The following PTPRT variants were observed in gnomAD, a reference collection of about 807,000 sequenced individuals.
PTPRT encodes receptor-type tyrosine-protein phosphatase T.
In PTPRT, 56 loss-of-function variants were observed where a neutral mutation model predicts 176.8. The observed-to-expected ratio is 0.32, with a 90% CI of 0.26 to 0.40. PTPRT has a LOEUF of 0.40. PTPRT is among the 10% of genes least tolerant of loss of function. PTPRT has a pLI of 1.00. For missense variants in PTPRT, 1,540 were observed against 1,908.2 expected (o/e 0.81, Z 3.60); for synonymous variants, 783 against 739.0 (o/e 1.06, Z -0.96).
chr20:42,488,446 G>A (rs543716396), intron 7 of PTPRT, among the ~76,000 whole-genome samples: 13 of 152,202 alleles, frequency 8.5e-5, no homozygotes, highest in East Asian at 5.8e-4. Flanking sequence ...TGGGCACTAC[G>A]TATTTTTTAC....
chr20:42,439,277 A>G (rs774672461), intron 9 of PTPRT, among the ~76,000 whole-genome samples: 4 of 152,102 alleles, frequency 2.6e-5, no homozygotes, highest in Non-Finnish European at 5.9e-5. Context: ...GTCTTTTTTA[A>G]TCTCACAAAA....
At chr20:42,243,077 A>AAG (rs1232815547) in intron 14 of PTPRT, among the ~76,000 whole-genome samples, 1 of 150,672 alleles carries the variant, frequency 6.6e-6, no homozygotes, top group Non-Finnish European at 1.5e-5. Flanking sequence ...GAGGGGGAGA[A>AAG]AGAGAGAGAG....
intron 2 of PTPRT, among the ~76,000 whole-genome samples, chr20:42,801,553 T>C (rs1221067144): frequency 1.3e-5 from 2 of 152,208 alleles, no homozygotes; most frequent in Admixed American, 6.5e-5. Flanking sequence ...CTACTATGTG[T>C]CTGACACTAG....
intron 7 of PTPRT, among the ~76,000 whole-genome samples, chr20:42,594,422 T>G (rs1883842): frequency 0.2 from 30,306 of 152,160 alleles, 3,395 homozygotes; most frequent in Non-Finnish European, 0.26. Context: ...CACTTTGTAA[T>G]GTTCGTTCTC....
chr20:42,500,347 G>A (rs2071730536), intron 7 of PTPRT, among the ~76,000 whole-genome samples: 1 of 151,704 alleles, frequency 6.6e-6, no homozygotes, highest in Non-Finnish European at 1.5e-5. Flanking sequence ...CAAGGTAAAT[G>A]CTATTTTAAT....
intron 9 of PTPRT, among the ~76,000 whole-genome samples, chr20:42,398,324 G>A (rs1328209752): frequency 6.6e-6 from 1 of 152,126 alleles, no homozygotes; most frequent in Admixed American, 6.6e-5. Flanking sequence ...TCAAGCAGCA[G>A]TAGCCATAAT....
At position 42,086,753 on chromosome 20, in the gene PTPRT, A is replaced by AATATATATATATATATATATATATAT. The variant is rs1555858329; in HGVS notation, c.3847-901_3847-900insATATATATATATATATATATATATAT. 8.1e-4 allele frequency among the ~76,000 whole-genome samples: 77 copies of AATATATATATATATATATATATATAT among 95,356 alleles called. 1 individual carries two copies. Among genetic ancestry groups the AATATATATATATATATATATATATAT allele is most frequent in the African/African-American group, 2.3e-3 (47 of 20,288 alleles). The allele number at this position is 95,356 out of a possible 152,430, so 62.6% of individuals were successfully genotyped here. On this transcript the variant is annotated intron_variant, in intron 27 of 30. Transcript: ENST00000373187. The stretch of plus-strand genomic sequence containing the variant: ...AAAAAAAAAAAAAAAAAAAAAAAAA[A>AATATATATATATATATATATATATAT]ATATATATATATATGGGTTTGACCT...
chr20:42,870,522 C>T lies in PTPRT; in HGVS notation c.214+15285G>A, dbSNP rs554262952. Among the ~76,000 whole-genome samples, 6 of 152,336 alleles carry T rather than the reference C, an allele frequency of 3.9e-5. No individual in the cohort carries two copies. In the South Asian group the frequency reaches 6.2e-4, roughly 16 times the overall value. ...TTCAATTATTTTAGATATACTGTCA[C>T]GTGCAGCATAATGGTGTTTCCGTCA... is the stretch of plus-strand genomic sequence containing the variant. On this transcript the variant is annotated intron_variant, in intron 2 of 30. Transcript: ENST00000373187.
chr20:42,089,191 A>G (rs1421189727), intron 27 of PTPRT, among the ~76,000 whole-genome samples: 2 of 152,188 alleles, frequency 1.3e-5, no homozygotes, highest in East Asian at 3.9e-4. Context: ...TGAGCTGTGC[A>G]ATGATGACAA....
intron 7 of PTPRT, among the ~76,000 whole-genome samples, chr20:42,541,041 AGAAGTTG>A (rs1349161605): frequency 6.6e-6 from 1 of 152,150 alleles, no homozygotes; most frequent in Non-Finnish European, 1.5e-5. Context: ...ACTGGGTGAG[AGAAGTTG>A]GAGTCTACAC....
chr20:42,395,313 TTC>T (rs1321661902), intron 9 of PTPRT, among the ~76,000 whole-genome samples: 2 of 152,092 alleles, frequency 1.3e-5, no homozygotes, highest in African/African-American at 4.8e-5. Context: ...TCCCCATACA[TTC>T]TGTCTTCCCT....
chr20:42,987,389 G>A (rs1983655710), intron 1 of PTPRT, among the ~76,000 whole-genome samples: 1 of 152,196 alleles, frequency 6.6e-6, no homozygotes, highest in Non-Finnish European at 1.5e-5. Flanking sequence ...GGTGGCTATG[G>A]TGGTCGGCAG....
intron 2 of PTPRT, among the ~76,000 whole-genome samples, chr20:42,835,070 G>T (rs2145705902): frequency 6.6e-6 from 1 of 152,278 alleles, no homozygotes; most frequent in South Asian, 2.1e-4. Flanking sequence ...ATGGGACCTA[G>T]AAAAAGGAGA....
chr20:42,781,790 A>G (rs2077219092), intron 3 of PTPRT, among the ~76,000 whole-genome samples: 3 of 152,218 alleles, frequency 2.0e-5, no homozygotes, highest in African/African-American at 7.2e-5. Flanking sequence ...ATAATCTTCT[A>G]ATTGCTTAAT....
chr20:42,939,454 C>T (rs1180815265), intron 1 of PTPRT, among the ~76,000 whole-genome samples: 3 of 152,228 alleles, frequency 2.0e-5, no homozygotes, highest in Non-Finnish European at 2.9e-5. Context: ...TTCCCCCCTC[C>T]TTTTCCTTTC....
chr20:42,328,432 T>C (rs2145425455), intron 11 of PTPRT, among the ~76,000 whole-genome samples: 1 of 152,244 alleles, frequency 6.6e-6, no homozygotes. Context: ...AAACTATTCC[T>C]CTAACATACT....
intron 2 of PTPRT, among the ~76,000 whole-genome samples, chr20:42,792,582 A>G (rs137986961): frequency 1.8e-4 from 27 of 152,340 alleles, no homozygotes; most frequent in African/African-American, 5.5e-4. Context: ...TTATGATTCT[A>G]TGAAATAAAC....
chr20:43,004,887 C>T (rs941466079), intron 1 of PTPRT, among the ~76,000 whole-genome samples: 1 of 152,152 alleles, frequency 6.6e-6, no homozygotes, highest in African/African-American at 2.4e-5. Flanking sequence ...AACCCTAATA[C>T]ATTTTACATG....
At chr20:42,228,287 T>G (rs1185183683) in intron 15 of PTPRT, among the ~76,000 whole-genome samples, 1 of 152,234 alleles carries the variant, frequency 6.6e-6, no homozygotes. Flanking sequence ...TTTTGCCACC[T>G]TTGGAGGTAA....
Sources: allele counts gnomAD v4.1 joint callset (sites outside exome capture counted in the v4.1 genomes callset), GRCh38; gene constraint gnomAD v4.1.1; transcripts MANE v1.5; gene names NCBI Gene and HGNC (gene_info 2026-07-23, HGNC 2026-07-21).